Variants in NPLOC4 observed in about 807,000 individuals in gnomAD.
The protein encoded by NPLOC4 is NPL4 homolog, ubiquitin recognition factor.
In NPLOC4, 18 loss-of-function variants were observed where a neutral mutation model predicts 80.6. The observed-to-expected ratio is 0.22, with a 90% CI of 0.15 to 0.33. The LOEUF (loss-of-function observed/expected upper bound fraction) is 0.33, where lower values mean the gene tolerates loss of function less well. NPLOC4 is among the 10% of genes least tolerant of loss of function. The pLI, the probability that NPLOC4 is intolerant of heterozygous loss-of-function variation, is 1.00. For synonymous variants in NPLOC4, 313 were observed against 301.5 expected, an observed-to-expected ratio of 1.04 and a Z score of -0.39; for missense variants, 540 against 786.1, an observed-to-expected ratio of 0.69 and a Z score of 3.74.
At chr17:81,607,156 G>A (rs1296600962) in intron 6 of NPLOC4, among the ~76,000 whole-genome samples, 1 of 152,150 alleles carries the variant, frequency 6.6e-6, no homozygotes, top group African/African-American at 2.4e-5. Flanking sequence ...CCACTGAGCG[G>A]GCATGAGGCT....
intron 1 of NPLOC4, among the ~76,000 whole-genome samples, chr17:81,633,720 C>T (rs565990205): frequency 1.3e-5 from 2 of 152,170 alleles, no homozygotes; most frequent in East Asian, 1.9e-4. Context: ...TTTTCTCCCC[C>T]CAAGACAGAG....
intron 7 of NPLOC4, among the ~76,000 whole-genome samples, chr17:81,605,341 TA>T (rs2035176155): frequency 6.7e-6 from 1 of 149,444 alleles, no homozygotes; most frequent in African/African-American, 2.5e-5. Context: ...ATAAAAACAA[TA>T]AACATTACTT....
chr17:81,589,214 T>C, intron 11 of NPLOC4, 110 bp from the exon 12 acceptor site: 1 of 968,514 alleles, frequency 1.0e-6, no homozygotes, highest in Non-Finnish European at 1.5e-6. Flanking sequence ...CTCAAGAGTT[T>C]GTCGGGGGTA....
chr17:81,568,969 C>G, intron 14 of NPLOC4, 47 bp downstream of exon 14: 2 of 1,163,746 alleles, frequency 1.7e-6, no homozygotes, highest in East Asian at 2.3e-5. Flanking sequence ...CACTAGATAA[C>G]AATCAGCAGT....
chr17:81,597,821 T>A (rs1025295096), intron 9 of NPLOC4, among the ~76,000 whole-genome samples: 4 of 141,376 alleles, frequency 2.8e-5, no homozygotes, highest in African/African-American at 1.1e-4. Context: ...CGTGGCCGGG[T>A]GTGGTGGCTC....
At chr17:81,595,239 GC>G (rs1351986777) in intron 11 of NPLOC4, among the ~76,000 whole-genome samples, 10 of 151,528 alleles carry the variant, frequency 6.6e-5, no homozygotes, top group Admixed American at 4.6e-4. Context: ...TTCAAGATTA[GC>G]CTGGCCAACA....
rs869125822 is a variant in NPLOC4 at position 81,623,807 on chromosome 17, AAC to A, written c.97-1531_97-1530del. ...AGCGAGACTCCGTCTCAAAAAAAAA[AAC>A]AAAACTCAATTCCAATTCTGAAACC... On this transcript the variant is annotated intron_variant, in intron 2 of 16. Coordinates refer to ENST00000331134, the MANE Select transcript of NPLOC4 (RefSeq NM_017921.4). 2.4e-4 allele frequency among the ~76,000 whole-genome samples: 32 copies of A among 134,928 alleles called. 1 individual carries two copies. The highest frequency in any genetic ancestry group is 5.2e-4 in the South Asian group (2 of 3,812). 88.5% of individuals were successfully genotyped at this position (134,928 alleles called of 152,430 possible).
intron 2 of NPLOC4, 88 bp from the exon 3 acceptor site, chr17:81,622,366 A>G: frequency 1.0e-6 from 1 of 979,422 alleles, no homozygotes; most frequent in Non-Finnish European, 1.6e-6. Flanking sequence ...CTAGAAGAGT[A>G]TTCACCAAAT....
chr17:81,569,274 C>G (rs2034093828), intron 13 of NPLOC4, among the ~76,000 whole-genome samples, 163 bp from the exon 14 acceptor site: 1 of 152,238 alleles, frequency 6.6e-6, no homozygotes, highest in Non-Finnish European at 1.5e-5. Flanking sequence ...CTATTAGTGT[C>G]ATCTCTAAAC....
chr17:81,565,284 C>T (rs1598615676), intron 16 of NPLOC4: 1 of 701,248 alleles, frequency 1.4e-6, no homozygotes, highest in Non-Finnish European at 2.6e-6. Context: ...GGGCTGTGTA[C>T]CTAAGACGTA....
At chr17:81,581,325 G>A (rs1428728657) in intron 12 of NPLOC4, among the ~76,000 whole-genome samples, 1 of 131,050 alleles carries the variant, frequency 7.6e-6, no homozygotes, top group African/African-American at 2.9e-5. Context: ...TTCCAGCCTG[G>A]GCAACACAGC....
At chr17:81,596,513 C>T (rs2034912088) in intron 10 of NPLOC4, among the ~76,000 whole-genome samples, 1 of 152,114 alleles carries the variant, frequency 6.6e-6, no homozygotes, top group Admixed American at 6.5e-5. Flanking sequence ...CTGTAGTGAG[C>T]CGAGATTGTG....
intron 12 of NPLOC4, among the ~76,000 whole-genome samples, chr17:81,579,565 A>G (rs960147000): frequency 1.3e-5 from 2 of 151,360 alleles, no homozygotes; most frequent in African/African-American, 4.9e-5. Context: ...TGATCCCCAA[A>G]CCTGCATCCC....
In NPLOC4 at chr17:81,565,553, G is replaced by T. The variant is rs868184991; in HGVS notation, c.1621C>A (p.Gln541Lys). 6.4e-7 allele frequency: 1 copy of T among 1,556,142 alleles called. No homozygotes were observed. ...CACTGCTCAGACCTCTTCCATGTCT[G>T]GGCGAGCTCCTCATTTCTGGTCCGC... ...AVRTRNEELA[Q>K]TWKRSEQWAT... The change falls in exon 16 of 17, where the codon CAG becomes AAG. Residue 541 changes from glutamine to lysine, a missense_variant. Coordinates refer to ENST00000331134, the MANE Select transcript of NPLOC4 (RefSeq NM_017921.4).
intron 1 of NPLOC4, among the ~76,000 whole-genome samples, chr17:81,635,974 AT>A (rs11375745): frequency 3.7e-3 from 518 of 141,510 alleles, no homozygotes; most frequent in East Asian, 6.1e-3. Context: ...GTGTGTGACA[AT>A]TTTTTTTTTT....
chr17:81,596,370 G>A (rs1468081520), intron 10 of NPLOC4, 128 bp from the exon 11 acceptor site: 3 of 1,069,070 alleles, frequency 2.8e-6, no homozygotes, highest in Non-Finnish European at 4.0e-6. Context: ...CACTTTGAGA[G>A]GTGGAGGCGG....
chr17:81,631,796 T>C (rs1202099111), intron 1 of NPLOC4, among the ~76,000 whole-genome samples: 3 of 152,052 alleles, frequency 2.0e-5, no homozygotes, highest in Non-Finnish European at 4.4e-5. Flanking sequence ...CTCTTGTATT[T>C]AGCTCATTTT....
chr17:81,608,519 T>A (rs2035262319), intron 6 of NPLOC4, among the ~76,000 whole-genome samples: 1 of 152,186 alleles, frequency 6.6e-6, no homozygotes, highest in African/African-American at 2.4e-5. Flanking sequence ...TAGACCAGCC[T>A]GGGCAACATA....
chr17:81,613,335 T>G lies in NPLOC4; in HGVS notation c.369A>C (p.Arg123Ser). 1 of 1,613,638 alleles carries G rather than the reference T, an allele frequency of 6.2e-7. No homozygotes were observed. Residue 123 changes from arginine to serine, a missense_variant, in exon 4 of 17, where the codon AGA becomes AGC. By Grantham distance (110) the Arg-to-Ser change is moderately radical (BLOSUM62 -1). Coordinates refer to ENST00000331134, the MANE Select transcript of NPLOC4 (RefSeq NM_017921.4). ...YLSKQDGKIY[R>S]SRDPQLCRHG... The stretch of plus-strand genomic sequence containing the variant: ...TCACTTACAGCTGTGGGTCTCGGCT[T>G]CTGTAAATCTTCCCGTCCTGTTTGC...
Sources: gnomAD v4.1 joint callset for allele counts (sites outside exome capture counted in the v4.1 genomes callset) on GRCh38, gnomAD v4.1.1 for gene constraint, MANE v1.5 for transcripts, NCBI Gene and HGNC (gene_info 2026-07-23, HGNC 2026-07-21) for gene names.